The following ZNF385D variants were observed in gnomAD, a reference collection of about 807,000 sequenced individuals.
The protein encoded by ZNF385D is zinc finger protein 659.
Under a neutral mutation model 35.8 loss-of-function variants are expected in ZNF385D, and 15 were observed. The ratio of observed to expected loss-of-function variants is 0.42; its 90% CI spans 0.28 to 0.64. The LOEUF is 0.64. Ranked by LOEUF, ZNF385D falls within the 30% of genes least tolerant of loss-of-function variation. The pLI is 0.23. For missense variants in ZNF385D, 474 were observed against 494.6 expected, an observed-to-expected ratio of 0.96 and a Z score of 0.39; for synonymous variants, 212 against 186.8, an observed-to-expected ratio of 1.13 and a Z score of -1.10.
chr3:21,518,973 T>TATTC (rs1321404209), intron 3 of ZNF385D, among the ~76,000 whole-genome samples: 6 of 152,184 alleles, frequency 3.9e-5, no homozygotes, highest in African/African-American at 1.4e-4. Context: ...TAAAAATGAA[T>TATTC]ATTCACTCGC....
At chr3:21,901,187 TA>T (rs1302260518) in intron 3 of ZNF385D, among the ~76,000 whole-genome samples, 6 of 152,194 alleles carry the variant, frequency 3.9e-5, no homozygotes, top group African/African-American at 1.4e-4. Flanking sequence ...AGGCTATGTT[TA>T]AGGTCATAGA....
intron 3 of ZNF385D, among the ~76,000 whole-genome samples, chr3:21,903,634 A>G (rs1699527714): frequency 6.6e-6 from 1 of 152,336 alleles, no homozygotes; most frequent in African/African-American, 2.4e-5. Context: ...GTACATTTAA[A>G]AAGGGTGCAT....
At chr3:21,883,835 T>A (rs760676158) in intron 3 of ZNF385D, among the ~76,000 whole-genome samples, 6 of 152,068 alleles carry the variant, frequency 3.9e-5, no homozygotes, top group Non-Finnish European at 5.9e-5. Context: ...CAGCAGCTAA[T>A]GTAGACTGAA....
intron 3 of ZNF385D, among the ~76,000 whole-genome samples, chr3:21,966,255 A>G (rs902873148): frequency 2.6e-5 from 4 of 152,194 alleles, no homozygotes; most frequent in African/African-American, 9.6e-5. Flanking sequence ...ACATCCCCTA[A>G]CATCTAGCAC....
chr3:22,336,433 C>A (rs1371655825), intron 2 of ZNF385D, among the ~76,000 whole-genome samples: 2 of 152,022 alleles, frequency 1.3e-5, no homozygotes, highest in South Asian at 2.1e-4. Flanking sequence ...TCTAAATTAG[C>A]TTTTGCTTTC....
intron 4 of ZNF385D, among the ~76,000 whole-genome samples, chr3:21,495,624 A>G (rs1001777126): frequency 6.6e-6 from 1 of 152,142 alleles, no homozygotes; most frequent in Non-Finnish European, 1.5e-5. Flanking sequence ...ACAACCTAAC[A>G]TCACAATTAG....
chr3:21,919,340 T>G (rs571776262), intron 3 of ZNF385D, among the ~76,000 whole-genome samples: 1 of 152,222 alleles, frequency 6.6e-6, no homozygotes, highest in Non-Finnish European at 1.5e-5. Flanking sequence ...ATGACAATTA[T>G]AATGCACTTT....
At chr3:21,543,167 C>T (rs911039637) in intron 3 of ZNF385D, among the ~76,000 whole-genome samples, 2 of 152,092 alleles carry the variant, frequency 1.3e-5, no homozygotes, top group Non-Finnish European at 2.9e-5. Context: ...CAAAAATAAG[C>T]CGGTGTGGTG....
chr3:21,870,955 G>A (rs1697659482), intron 3 of ZNF385D, among the ~76,000 whole-genome samples: 1 of 152,082 alleles, frequency 6.6e-6, no homozygotes, highest in Admixed American at 6.6e-5. Context: ...TTGAAGAGTA[G>A]TCAGAAGTAG....
chr3:22,210,470 A>C (rs1697448691), intron 2 of ZNF385D, among the ~76,000 whole-genome samples: 1 of 151,870 alleles, frequency 6.6e-6, no homozygotes. Flanking sequence ...CATCTAAAGA[A>C]TCCATACAGC....
chr3:21,465,405 A>T lies in ZNF385D; in HGVS notation c.440-28202T>A, dbSNP rs1703449424. 6.6e-6 allele frequency among the ~76,000 whole-genome samples: 1 copy of T among 152,260 alleles called. No homozygotes were observed. Among genetic ancestry groups the T allele is most frequent in the Non-Finnish European group, 1.5e-5 (1 of 68,050 alleles). ...TGAAATACTTTCTCTTTTCAAGATC[A>T]GTTGGAAGAGAAAGTTTCTTCTGCT... On this transcript the variant is annotated intron_variant, in intron 4 of 7. Coordinates refer to ENST00000281523, the MANE Select transcript of ZNF385D (RefSeq NM_024697.3). This position sits in a 1 kb window ranked among gnomAD's most constrained non-coding sequence, Gnocchi z 4.2.
chr3:21,661,577 A>T (rs558239369), intron 2 of ZNF385D, among the ~76,000 whole-genome samples: 1 of 152,336 alleles, frequency 6.6e-6, no homozygotes, highest in South Asian at 2.1e-4. Flanking sequence ...TGGGATCAGA[A>T]TATTTTTAAG....
intron 3 of ZNF385D, among the ~76,000 whole-genome samples, chr3:22,119,971 C>CAT (rs907694440): frequency 2.7e-5 from 4 of 149,100 alleles, no homozygotes; most frequent in Non-Finnish European, 4.4e-5. Context: ...CATGCTCCAA[C>CAT]ATACTCAATT....
chr3:21,680,199 G>A (rs9859423), intron 1 of ZNF385D, among the ~76,000 whole-genome samples: 9,894 of 151,902 alleles, frequency 0.065, 381 homozygotes, highest in East Asian at 0.13. Context: ...TGGCTCACTC[G>A]TTCTTTCTCA....
chr3:21,754,331 C>A (rs781654070), upstream of ZNF385D, among the ~76,000 whole-genome samples: 2 of 152,240 alleles, frequency 1.3e-5, no homozygotes, highest in East Asian at 1.9e-4. Context: ...ACACCCTGAC[C>A]TTTACCTGTC....
intron 1 of ZNF385D, among the ~76,000 whole-genome samples, chr3:21,692,685 A>G (rs1023299832): frequency 2.6e-5 from 4 of 152,208 alleles, no homozygotes; most frequent in African/African-American, 9.6e-5. Context: ...TCCCTCCCAA[A>G]GAGTGCATGT....
At chr3:21,675,381 T>G (rs17618743) in intron 1 of ZNF385D, among the ~76,000 whole-genome samples, 65,257 of 151,896 alleles carry the variant, frequency 0.43, 15,281 homozygotes, top group Middle Eastern at 0.54. Context: ...CACTGGGTAC[T>G]GTACTGGGTC....
intron 3 of ZNF385D, among the ~76,000 whole-genome samples, chr3:22,166,922 T>C (rs1019497187): frequency 1.8e-4 from 27 of 152,274 alleles, no homozygotes; most frequent in Admixed American, 1.6e-3. Context: ...AATTGAATCG[T>C]GCTGTACTTG....
At chr3:22,105,525 C>A (rs977676069) in intron 3 of ZNF385D, among the ~76,000 whole-genome samples, 4 of 152,136 alleles carry the variant, frequency 2.6e-5, no homozygotes, top group Non-Finnish European at 4.4e-5. Flanking sequence ...CTGCTGTCTG[C>A]AAGCTGGAGA....
Sources: gnomAD v4.1 joint callset for allele counts (sites outside exome capture counted in the v4.1 genomes callset) on GRCh38, gnomAD v4.1.1 for gene constraint, Gnocchi (gnomAD v3.1) non-coding constraint, MANE v1.5 for transcripts, NCBI Gene and HGNC (gene_info 2026-07-23, HGNC 2026-07-21) for gene names.